Variants in CDC123 observed in about 807,000 individuals in gnomAD.
The protein encoded by CDC123 is cell division cycle 123, also known as translation initiation factor eIF2 assembly protein.
In CDC123, 37 loss-of-function variants were observed where a neutral mutation model predicts 54.4. The ratio of observed to expected loss-of-function variants is 0.68; its 90% confidence interval spans 0.52 to 0.89. CDC123 has a LOEUF of 0.89. Among genes scored for constraint, CDC123 ranks in the 40% least tolerant of loss-of-function variants. CDC123 has a pLI of 0.00. For missense variants in CDC123, 361 were observed against 412.1 expected, an observed-to-expected ratio of 0.88 and a Z score of 1.07; for synonymous variants, 144 against 136.8, an observed-to-expected ratio of 1.05 and a Z score of -0.37.
intron 6 of CDC123, among the ~76,000 whole-genome samples, chr10:12,227,643 A>T (rs1230952556): frequency 6.6e-6 from 1 of 151,704 alleles, no homozygotes; most frequent in Non-Finnish European, 1.5e-5. Context: ...GCTTACAGGC[A>T]TGTGCCACCA....
chr10:12,236,423 A>AC (rs377176835), intron 8 of CDC123, among the ~76,000 whole-genome samples: 8 of 151,984 alleles, frequency 5.3e-5, no homozygotes, highest in African/African-American at 1.4e-4. Context: ...ATGTACTGAG[A>AC]CCCCGTCTCT....
In CDC123 at chr10:12,215,774, A is replaced by G. The variant is rs559601502; in HGVS notation, c.272A>G (p.Gln91Arg). 3 of 1,612,844 alleles carry G rather than the reference A, an allele frequency of 1.9e-6. No individual in the cohort carries two copies. In the East Asian group the frequency reaches 6.7e-5, roughly 36 times the overall value. The part of the protein sequence containing the change: ...PEFPEFATKV[Q>R]EAINSLGGSV... ...TTTCCTGAGTTTGCCACTAAAGTCC[A>G]GGAAGCTATCAATTCCCTCGGGGGC... Residue 91 changes from glutamine to arginine, a missense_variant, in exon 5 of 13, where the codon CAG (glutamine) becomes CGG (arginine). Gln to Arg is a conservative substitution (Grantham distance 43, BLOSUM62 1). Coordinates refer to ENST00000281141, the MANE Select transcript of CDC123 (RefSeq NM_006023.3).
chr10:12,238,829 C>T (rs543382846), intron 10 of CDC123, among the ~76,000 whole-genome samples: 1 of 151,874 alleles, frequency 6.6e-6, no homozygotes, highest in East Asian at 1.9e-4. Context: ...AGATCAGCCT[C>T]GGCAACATGG....
At chr10:12,208,799 C>T (rs1477029565) in intron 2 of CDC123, among the ~76,000 whole-genome samples, 1 of 152,146 alleles carries the variant, frequency 6.6e-6, no homozygotes, top group African/African-American at 2.4e-5. Context: ...CCCGCCAGTC[C>T]AACTCCTCTT....
At chr10:12,198,887 C>A in intron 2 of CDC123, 111 bp downstream of exon 2, 2 of 663,270 alleles carry the variant, frequency 3.0e-6, no homozygotes, top group South Asian at 1.8e-5. Context: ...CTCTCCTAGC[C>A]AAAATGATGT....
chr10:12,220,674 G>A (rs1291085274), intron 6 of CDC123, among the ~76,000 whole-genome samples: 3 of 152,188 alleles, frequency 2.0e-5, no homozygotes, highest in Non-Finnish European at 4.4e-5. Context: ...CAAAGGCCTT[G>A]AAGAGCTCTT....
chr10:12,249,584 TC>T lies in CDC123; in HGVS notation c.854del (p.Pro285GlnfsTer10), dbSNP rs1836212038. 1 of 1,611,876 alleles carries T rather than the reference TC, an allele frequency of 6.2e-7. No individual in the cohort carries two copies. Among genetic ancestry groups the T allele is most frequent in the Admixed American group, 1.7e-5 (1 of 59,206 alleles). ...FSEVDAQEQD[S>X]PAFRCTNSEV... ...CTCCTTTTTCTTCTTTGTACAGGAT[TC>T]CCCAGCTTTCCGTTGCACAAACAGT... On this transcript the variant is annotated frameshift_variant, in exon 12 of 13. Coordinates refer to ENST00000281141, the MANE Select transcript of CDC123 (RefSeq NM_006023.3). LOFTEE classifies it high-confidence loss of function.
At chr10:12,208,530 A>C (rs902221524) in intron 2 of CDC123, among the ~76,000 whole-genome samples, 2 of 152,152 alleles carry the variant, frequency 1.3e-5, no homozygotes, top group Non-Finnish European at 2.9e-5. Context: ...GCAAGAAAGG[A>C]GCTGACTGCA....
chr10:12,205,011 AAAAG>A (rs1212866330), intron 2 of CDC123, among the ~76,000 whole-genome samples: 1 of 151,802 alleles, frequency 6.6e-6, no homozygotes, highest in Non-Finnish European at 1.5e-5. Context: ...AAAAAAAAAA[AAAAG>A]GTCTTATTCA....
chr10:12,212,392 A>G (rs1431970974), intron 4 of CDC123, among the ~76,000 whole-genome samples: 2 of 152,256 alleles, frequency 1.3e-5, no homozygotes, highest in Non-Finnish European at 2.9e-5. Flanking sequence ...GTGACATGAC[A>G]AAAAGATGCC....
intron 4 of CDC123, among the ~76,000 whole-genome samples, chr10:12,211,957 A>G (rs1174955150): frequency 6.6e-6 from 1 of 152,194 alleles, no homozygotes; most frequent in Non-Finnish European, 1.5e-5. Flanking sequence ...GCATGGTGGT[A>G]GACGCCTGTA....
intron 2 of CDC123, among the ~76,000 whole-genome samples, chr10:12,201,765 T>C (rs1835443138): frequency 6.6e-6 from 1 of 152,152 alleles, no homozygotes; most frequent in Non-Finnish European, 1.5e-5. Flanking sequence ...AGATTTCAGT[T>C]TGCAGCTGTG....
chr10:12,198,650 C>A, intron 1 of CDC123, 55 bp from the exon 2 acceptor site: 2 of 916,642 alleles, frequency 2.2e-6, no homozygotes, highest in South Asian at 1.4e-5. Context: ...AGATTTTTCT[C>A]TCTGCTTATA....
At chr10:12,232,372 T>A (rs1835912748) in intron 7 of CDC123, among the ~76,000 whole-genome samples, 1 of 152,156 alleles carries the variant, frequency 6.6e-6, no homozygotes, top group African/African-American at 2.4e-5. Flanking sequence ...AAAATCTGTC[T>A]TTAGTGTCTG....
At chr10:12,246,564 C>A in intron 11 of CDC123, 1 of 268,620 alleles carries the variant, frequency 3.7e-6, no homozygotes. Context: ...TCAGCTCATG[C>A]ATCTGTTCCT....
chr10:12,243,461 T>C (rs892394049), intron 10 of CDC123, among the ~76,000 whole-genome samples: 16 of 150,498 alleles, frequency 1.1e-4, no homozygotes, highest in East Asian at 7.8e-4. Flanking sequence ...TGTGATTGTT[T>C]AAAAAAAAAT....
chr10:12,233,226 G>T (rs77451397), intron 7 of CDC123, among the ~76,000 whole-genome samples: 3,612 of 150,880 alleles, frequency 0.024, 142 homozygotes, highest in African/African-American at 0.083. Flanking sequence ...AATGAAAAAA[G>T]TTGCAAGTAG....
intron 6 of CDC123, among the ~76,000 whole-genome samples, chr10:12,227,242 C>G (rs1037437868): frequency 1.8e-5 from 2 of 111,438 alleles, no homozygotes; most frequent in East Asian, 3.1e-4. Flanking sequence ...AGAGGGAGAC[C>G]GTGGAGAGAG....
chr10:12,227,320 T>C (rs900165249), intron 6 of CDC123, among the ~76,000 whole-genome samples: 16 of 151,930 alleles, frequency 1.1e-4, no homozygotes, highest in African/African-American at 3.9e-4. Flanking sequence ...TAATTGACTT[T>C]TCTAAGACCA....
Sources: gnomAD v4.1 joint callset for allele counts (sites outside exome capture counted in the v4.1 genomes callset) on GRCh38, gnomAD v4.1.1 for gene constraint, MANE v1.5 for transcripts, NCBI Gene and HGNC (gene_info 2026-07-23, HGNC 2026-07-21) for gene names.